The following GRM7 variants were observed in gnomAD, a reference collection of about 807,000 sequenced individuals.
The protein encoded by GRM7 is metabotropic glutamate receptor 7.
GRM7 carries 35 observed loss-of-function variants against 84.5 expected under a neutral mutation model. The observed-to-expected ratio is 0.41, with a 90% CI of 0.32 to 0.55. GRM7 has a LOEUF of 0.55. Ranked by LOEUF, GRM7 falls within the 20% of genes least tolerant of loss-of-function variation. GRM7 has a pLI of 0.19. For synonymous variants in GRM7, 487 were observed against 455.1 expected (o/e 1.07, Z -0.89); for missense variants, 1,003 against 1,194.6 (o/e 0.84, Z 2.36).
intron 7 of GRM7, among the ~76,000 whole-genome samples, chr3:7,494,634 C>T (rs918537395): frequency 1.3e-5 from 2 of 152,082 alleles, no homozygotes; most frequent in East Asian, 1.9e-4. Context: ...AAGCTCTCTT[C>T]GTTTTTATCA....
At chr3:7,529,743 C>A (rs1700955232) in intron 7 of GRM7, among the ~76,000 whole-genome samples, 1 of 151,980 alleles carries the variant, frequency 6.6e-6, no homozygotes, top group Non-Finnish European at 1.5e-5. Context: ...AATGTCTAAT[C>A]AAACCCTTGA....
intron 8 of GRM7, among the ~76,000 whole-genome samples, chr3:7,667,800 G>A (rs1699761112): frequency 6.8e-6 from 1 of 147,750 alleles, no homozygotes; most frequent in African/African-American, 2.5e-5. Context: ...GGAGAAATTA[G>A]CATTACAAAA....
At chr3:7,684,749 C>T (rs946293535) in intron 9 of GRM7, among the ~76,000 whole-genome samples, 17 of 152,126 alleles carry the variant, frequency 1.1e-4, no homozygotes, top group East Asian at 1.9e-4. Flanking sequence ...AATTTATCTG[C>T]GCACTGCTGG....
chr3:7,372,607 C>T (rs1457526285), intron 4 of GRM7, among the ~76,000 whole-genome samples: 1 of 152,094 alleles, frequency 6.6e-6, no homozygotes, highest in Admixed American at 6.6e-5. Context: ...TAGTCTGTTG[C>T]AGGAGGACTC....
intron 4 of GRM7, among the ~76,000 whole-genome samples, chr3:7,377,775 G>A (rs1223414963): frequency 1.3e-5 from 2 of 152,058 alleles, no homozygotes; most frequent in Non-Finnish European, 2.9e-5. Context: ...TTACATAATG[G>A]GAAATTATAT....
At chr3:7,099,886 C>T (rs1699046563) in intron 1 of GRM7, among the ~76,000 whole-genome samples, 1 of 138,274 alleles carries the variant, frequency 7.2e-6, no homozygotes. Flanking sequence ...ACGCATTATA[C>T]ATATATACAT....
At chr3:6,929,647 A>C (rs927289529) in intron 1 of GRM7, among the ~76,000 whole-genome samples, 32 of 152,192 alleles carry the variant, frequency 2.1e-4, no homozygotes, top group African/African-American at 7.0e-4. Flanking sequence ...GTATTGATGC[A>C]GTCTTTGACT....
chr3:7,344,755 C>T (rs939752434), intron 4 of GRM7, among the ~76,000 whole-genome samples: 6 of 152,042 alleles, frequency 3.9e-5, no homozygotes, highest in Admixed American at 6.6e-5. Context: ...ATAGTGGATA[C>T]TTGAGGCTCA....
intron 5 of GRM7, among the ~76,000 whole-genome samples, chr3:7,417,838 G>A (rs1333481015): frequency 1.3e-5 from 2 of 152,022 alleles, no homozygotes; most frequent in African/African-American, 2.4e-5. Flanking sequence ...TATATTAGCT[G>A]CAAGTAGACC....
At chr3:7,120,499 G>A (rs1693181384) in intron 1 of GRM7, among the ~76,000 whole-genome samples, 1 of 152,100 alleles carries the variant, frequency 6.6e-6, no homozygotes, top group Non-Finnish European at 1.5e-5. Flanking sequence ...AAAACATTTT[G>A]TATCAGGCAT....
At chr3:7,549,966 C>T (rs1308385024) in intron 7 of GRM7, among the ~76,000 whole-genome samples, 1 of 152,318 alleles carries the variant, frequency 6.6e-6, no homozygotes, top group East Asian at 1.9e-4. Flanking sequence ...AGTATCACTG[C>T]TGCTCTTTTT....
chr3:7,613,341 G>A (rs749262247), intron 8 of GRM7, among the ~76,000 whole-genome samples: 6 of 152,108 alleles, frequency 3.9e-5, no homozygotes, highest in South Asian at 2.1e-4. Context: ...CAGCCCTAAC[G>A]TACATATGTC....
At chr3:7,133,265 G>T (rs1693663712) in intron 1 of GRM7, among the ~76,000 whole-genome samples, 1 of 152,192 alleles carries the variant, frequency 6.6e-6, no homozygotes, top group Admixed American at 6.5e-5. Context: ...TTCATTTTGT[G>T]ACTACAGAGT....
At chr3:7,574,733 C>T (rs1694877167) in intron 7 of GRM7, among the ~76,000 whole-genome samples, 1 of 152,208 alleles carries the variant, frequency 6.6e-6, no homozygotes, top group South Asian at 2.1e-4. Context: ...AACCTCAGAT[C>T]AGGACAGTTG....
At chr3:7,235,601 C>T (rs546688810) in intron 2 of GRM7, among the ~76,000 whole-genome samples, 14 of 152,176 alleles carry the variant, frequency 9.2e-5, no homozygotes, top group Non-Finnish European at 2.1e-4. Context: ...CGGAGAGTGG[C>T]AGCACATTCC....
intron 4 of GRM7, among the ~76,000 whole-genome samples, chr3:7,330,987 C>T (rs1701186815): frequency 6.6e-6 from 1 of 152,186 alleles, no homozygotes; most frequent in African/African-American, 2.4e-5. Context: ...TCATCTCACC[C>T]TGAGCCCCTG....
intron 2 of GRM7, among the ~76,000 whole-genome samples, chr3:7,181,379 T>C (rs190412458): frequency 6.6e-5 from 10 of 152,308 alleles, no homozygotes; most frequent in Non-Finnish European, 1.5e-4. Context: ...GTCTACTATT[T>C]TGGAATCTTC....
intron 7 of GRM7, among the ~76,000 whole-genome samples, chr3:7,492,935 A>G (rs1176299725): frequency 6.6e-6 from 1 of 151,904 alleles, no homozygotes; most frequent in Non-Finnish European, 1.5e-5. Context: ...TCTTTAATTC[A>G]TTAATTATTT....
At chr3:7,482,633 C>A (rs1232742778) in intron 7 of GRM7, among the ~76,000 whole-genome samples, 1 of 152,180 alleles carries the variant, frequency 6.6e-6, no homozygotes, top group African/African-American at 2.4e-5. Flanking sequence ...TATAGGTCAG[C>A]TCTGAGCCCT....
Sources: allele counts gnomAD v4.1 joint callset (sites outside exome capture counted in the v4.1 genomes callset), GRCh38; gene constraint gnomAD v4.1.1; transcripts MANE v1.5; gene names NCBI Gene and HGNC (gene_info 2026-07-23, HGNC 2026-07-21).